Variants in ACBD6 observed in about 807,000 individuals in gnomAD.
ACBD6 encodes acyl-CoA-binding domain-containing protein 6.
Under a neutral mutation model 37.2 loss-of-function variants are expected in ACBD6, and 28 were observed. The ratio of observed to expected loss-of-function variants is 0.75; its 90% confidence interval spans 0.56 to 1.03. The LOEUF is 1.03. Ranked by LOEUF, ACBD6 falls within the 50% of genes least tolerant of loss-of-function variation. The pLI is 0.00. For synonymous variants in ACBD6, 113 were observed against 126.8 expected (o/e 0.89, Z 0.73); for missense variants, 340 against 337.4 (o/e 1.01, Z -0.06).
chr1:180,279,949 G>C (rs1366004027), intron 9 of ACBD6, among the ~76,000 whole-genome samples: 1 of 152,102 alleles, frequency 6.6e-6, no homozygotes, highest in South Asian at 2.1e-4. Context: ...CTGAAGAGAA[G>C]ATCCAAAGCA....
chr1:180,333,833 C>T (rs1651585184), intron 6 of ACBD6, among the ~76,000 whole-genome samples: 1 of 152,214 alleles, frequency 6.6e-6, no homozygotes, highest in South Asian at 2.1e-4. Context: ...TGCACTTTTC[C>T]AATGGTCTTA....
chr1:180,300,563 G>A (rs1650092186), intron 7 of ACBD6, among the ~76,000 whole-genome samples: 1 of 151,996 alleles, frequency 6.6e-6, no homozygotes, highest in Admixed American at 6.6e-5. Flanking sequence ...GAATATTTTA[G>A]TTTTATATAT....
At chr1:180,377,673 C>T (rs1424178581) in intron 6 of ACBD6, among the ~76,000 whole-genome samples, 2 of 152,138 alleles carry the variant, frequency 1.3e-5, no homozygotes, top group African/African-American at 4.8e-5. Context: ...ATAGGCCAGG[C>T]ATGGTGGCTC....
At chr1:180,500,289 T>C (rs986485922) in intron 1 of ACBD6, among the ~76,000 whole-genome samples, 1 of 152,210 alleles carries the variant, frequency 6.6e-6, no homozygotes, top group Non-Finnish European at 1.5e-5. Context: ...AGAATTTCCT[T>C]TCCTCTAGTG....
At chr1:180,379,818 A>G (rs538689428) in intron 6 of ACBD6, among the ~76,000 whole-genome samples, 13 of 152,370 alleles carry the variant, frequency 8.5e-5, no homozygotes, top group African/African-American at 3.1e-4. Context: ...GCAAAGAGAA[A>G]ACAAAAGGTT....
Position 180,502,057 on chromosome 1 carries a change from G to T in ACBD6, c.210C>A (p.Ala70=). 1 of 1,613,616 alleles carries T rather than the reference G, an allele frequency of 6.2e-7. No individual in the cohort carries two copies. Among genetic ancestry groups the T allele is most frequent in the African/African-American group, 1.3e-5 (1 of 75,044 alleles). ...ASREQLLYLY[A]RYKQVKVGNC... Reference sequence around the variant, plus strand: ...CCTGCTACTTTACCTGTTTGTACCTGGCATACAGGTACAAGAGCTGCTCCC... The same window carrying T: ...CCTGCTACTTTACCTGTTTGTACCTTGCATACAGGTACAAGAGCTGCTCCC... The change falls in exon 1 of 8, where the codon GCC becomes GCA. Residue 70 remains alanine (A), a synonymous_variant. Coordinates refer to ENST00000367595, the MANE Select transcript of ACBD6 (RefSeq NM_032360.4).
At chr1:180,471,128 A>G (rs541873646) in intron 3 of ACBD6, among the ~76,000 whole-genome samples, 79 of 152,296 alleles carry the variant, frequency 5.2e-4, no homozygotes, top group Admixed American at 1.4e-3. Context: ...GGCCAGGTGC[A>G]GTGGCTCACT....
intron 6 of ACBD6, among the ~76,000 whole-genome samples, chr1:180,330,410 A>C (rs1651433473): frequency 6.6e-6 from 1 of 151,788 alleles, no homozygotes; most frequent in Non-Finnish European, 1.5e-5. Context: ...ACAGAGTGAC[A>C]CTCTGTTTCA....
rs750251585 is a variant in ACBD6, at chr1:180,502,068, A to G, written c.199T>C (p.Tyr67His). 1 of 1,613,706 alleles carries G rather than the reference A, an allele frequency of 6.2e-7. No individual in the cohort carries two copies. Among genetic ancestry groups the G allele is most frequent in the East Asian group, 2.2e-5 (1 of 44,892 alleles). ...IQVASREQLL[Y>H]LYARYKQVKV... ...ACCTGTTTGTACCTGGCATACAGGTACAAGAGCTGCTCCCTGCTGGCCACC... is the reference window on the plus strand; with the variant it reads ...ACCTGTTTGTACCTGGCATACAGGTGCAAGAGCTGCTCCCTGCTGGCCACC... The change falls in exon 1 of 8, where the codon TAC becomes CAC. Residue 67 changes from tyrosine to histidine, a missense_variant. By Grantham distance (83) the Tyr-to-His change is moderately conservative (BLOSUM62 2). Coordinates refer to ENST00000367595, the MANE Select transcript of ACBD6 (RefSeq NM_032360.4).
intron 6 of ACBD6, 39 bp from the exon 7 acceptor site, chr1:180,314,761 TA>T: frequency 6.9e-7 from 1 of 1,445,818 alleles, no homozygotes. Context: ...GAAGTCTAAG[TA>T]ATTGCAAAAG....
chr1:180,497,965 A>C (rs984233858), intron 1 of ACBD6, among the ~76,000 whole-genome samples: 3 of 152,256 alleles, frequency 2.0e-5, no homozygotes, highest in Non-Finnish European at 4.4e-5. Context: ...ATCTGAACTC[A>C]TATCAATGAA....
intron 6 of ACBD6, among the ~76,000 whole-genome samples, chr1:180,326,913 C>T (rs549932588): frequency 3.3e-5 from 5 of 152,226 alleles, no homozygotes; most frequent in Admixed American, 6.5e-5. Context: ...TGTGGCTGAG[C>T]AGGTATCCAA....
chr1:180,361,121 G>T (rs1283528838), intron 6 of ACBD6, among the ~76,000 whole-genome samples: 1 of 152,152 alleles, frequency 6.6e-6, no homozygotes, highest in Non-Finnish European at 1.5e-5. Flanking sequence ...GAACACAAGA[G>T]AAACCTTTTA....
intron 4 of ACBD6, among the ~76,000 whole-genome samples, chr1:180,422,359 C>A (rs143766609): frequency 6.6e-6 from 1 of 152,216 alleles, no homozygotes; most frequent in Non-Finnish European, 1.5e-5. Flanking sequence ...GCGCACACCA[C>A]CACTCACGGC....
chr1:180,277,036 C>T (rs1649079566), intron 9 of ACBD6: 1 of 152,104 alleles, frequency 6.6e-6, no homozygotes, highest in Admixed American at 6.5e-5. Flanking sequence ...ATCAGTAGGG[C>T]TGGTTAGCTG....
At chr1:180,430,856 A>G (rs1390651031) in intron 3 of ACBD6, among the ~76,000 whole-genome samples, 4 of 152,174 alleles carry the variant, frequency 2.6e-5, no homozygotes, top group African/African-American at 9.6e-5. Flanking sequence ...CTCAAAACAC[A>G]CAAGAGTAAA....
intron 3 of ACBD6, among the ~76,000 whole-genome samples, chr1:180,440,700 A>T (rs1404967907): frequency 6.9e-6 from 1 of 144,236 alleles, no homozygotes; most frequent in Non-Finnish European, 1.5e-5. Flanking sequence ...CTAAGCAGTC[A>T]CTCCCCATTC....
At chr1:180,427,126 A>T (rs1020148557) in intron 4 of ACBD6, among the ~76,000 whole-genome samples, 2 of 152,334 alleles carry the variant, frequency 1.3e-5, no homozygotes, top group Non-Finnish European at 2.9e-5. Context: ...GCTCAAACTC[A>T]TAACTCATCA....
intron 6 of ACBD6, among the ~76,000 whole-genome samples, chr1:180,370,062 T>C (rs1236851865): frequency 6.6e-6 from 1 of 152,198 alleles, no homozygotes; most frequent in Non-Finnish European, 1.5e-5. Flanking sequence ...ACACATTAAG[T>C]GATGTGCCAA....
Sources: gnomAD v4.1 joint callset for allele counts (sites outside exome capture counted in the v4.1 genomes callset) on GRCh38, gnomAD v4.1.1 for gene constraint, MANE v1.5 for transcripts, NCBI Gene and HGNC (gene_info 2026-07-23, HGNC 2026-07-21) for gene names.